Variants in LRP6 observed in about 807,000 individuals in gnomAD.
LRP6 encodes the protein LDL receptor related protein 6.
In LRP6, 43 loss-of-function variants were observed where a neutral mutation model predicts 184.1. The ratio of observed to expected loss-of-function variants is 0.23; its 90% CI spans 0.18 to 0.30. The LOEUF is 0.30. Among genes scored for constraint, LRP6 ranks in the 10% least tolerant of loss-of-function variants. The pLI is 1.00. For missense variants in LRP6, 1,571 were observed against 2,005.3 expected (o/e 0.78, Z 4.14); for synonymous variants, 719 against 684.9 (o/e 1.05, Z -0.78).
intron 2 of LRP6, among the ~76,000 whole-genome samples, chr12:12,223,442 T>C (rs556206259): frequency 2.0e-5 from 3 of 152,162 alleles, no homozygotes; most frequent in Non-Finnish European, 2.9e-5. Context: ...AAATTACAAA[T>C]ACTGTAAAAT....
At chr12:12,133,809 C>G (rs1238653998) in intron 17 of LRP6, among the ~76,000 whole-genome samples, 1 of 136,448 alleles carries the variant, frequency 7.3e-6, no homozygotes, top group East Asian at 2.1e-4. Flanking sequence ...CAAAGTAACA[C>G]TCCAGCACCC....
rs186082192 is a variant in LRP6, at chr12:12,250,379, G to A, written c.56-5724C>T. 2.6e-5 allele frequency among the ~76,000 whole-genome samples: 4 copies of A among 152,118 alleles called. No homozygotes were observed. In the East Asian group the frequency reaches 7.7e-4, roughly 29 times the overall value. ...CTTCTCTTTTTCTCCCAGCAAGCAA[G>A]TCCTTCAAGGCCAGAGTCAAACCTT... On this transcript the variant is annotated intron_variant, in intron 1 of 22. Coordinates refer to ENST00000261349, the MANE Select transcript of LRP6 (RefSeq NM_002336.3).
At position 12,266,216 on chromosome 12, in the gene LRP6, G is replaced by A. The variant is rs190087546; in HGVS notation, c.55+465C>T. Among the ~76,000 whole-genome samples the A allele has an allele frequency of 1.3e-4, 20 of 152,174 alleles. No homozygotes were observed. The South Asian group carries it at 1.7e-3, about 13-fold the overall frequency. On this transcript the variant is annotated intron_variant, in intron 1 of 22. Coordinates refer to ENST00000261349, the MANE Select transcript of LRP6 (RefSeq NM_002336.3). ...CAAGGCCTGGAAAAAATAGCAAGAG[G>A]GCTTTAAAAGTTCACCTAAGAAACA...
At chr12:12,191,308 T>C (rs985490429) in intron 3 of LRP6, among the ~76,000 whole-genome samples, 13 of 152,126 alleles carry the variant, frequency 8.5e-5, no homozygotes, top group Non-Finnish European at 1.8e-4. Context: ...AAAGTGTGCA[T>C]GATTGGTACA....
At chr12:12,203,440 A>G (rs543871209) in intron 2 of LRP6, 40 bp from the exon 3 acceptor site, 19 of 1,477,996 alleles carry the variant, frequency 1.3e-5, no homozygotes, top group Middle Eastern at 1.7e-4. Context: ...GACAGAGCAG[A>G]TATCAATCAA....
At chr12:12,263,417 A>G (rs1051382559) in intron 1 of LRP6, among the ~76,000 whole-genome samples, 1 of 151,562 alleles carries the variant, frequency 6.6e-6, no homozygotes, top group Admixed American at 6.6e-5. Context: ...CTACTAAAAA[A>G]TACAAAAAAA....
chr12:12,168,870 A>G (rs1221437598), intron 7 of LRP6, among the ~76,000 whole-genome samples: 1 of 152,096 alleles, frequency 6.6e-6, no homozygotes, highest in Non-Finnish European at 1.5e-5. Flanking sequence ...CACAATGCAC[A>G]TAGCATATCA....
chr12:12,248,520 C>T lies in LRP6; in HGVS notation c.56-3865G>A, dbSNP rs113260017. Among the ~76,000 whole-genome samples, 985 of 118,764 alleles carry T rather than the reference C, an allele frequency of 8.3e-3. 12 individuals carry two copies. The highest frequency in any genetic ancestry group is 0.031 in the African/African-American group (936 of 29,930). The allele number at this position is 118,764 out of a possible 152,430, so 77.9% of individuals were successfully genotyped here. ...TTTTTGAGATGGAGTCTGGCTCTGT[C>T]GCCCAGGCTGGAGTGCAGTGGTGCA... On this transcript the variant is annotated intron_variant, in intron 1 of 22. Transcript: ENST00000261349.
At chr12:12,190,360 A>G (rs1225926702) in intron 3 of LRP6, among the ~76,000 whole-genome samples, 2 of 152,224 alleles carry the variant, frequency 1.3e-5, no homozygotes, top group Non-Finnish European at 1.5e-5. Flanking sequence ...GGTCACAACG[A>G]TAACAGAAAC....
intron 3 of LRP6, among the ~76,000 whole-genome samples, chr12:12,193,779 G>A (rs1312784909): frequency 6.6e-6 from 1 of 152,012 alleles, no homozygotes. Flanking sequence ...CAGATGGCAG[G>A]AAAAGTTGTA....
intron 2 of LRP6, among the ~76,000 whole-genome samples, chr12:12,209,953 A>T (rs890503024): frequency 1.3e-5 from 2 of 152,212 alleles, no homozygotes; most frequent in Non-Finnish European, 2.9e-5. Flanking sequence ...TATACCAGAG[A>T]AAGTATGTAT....
intron 4 of LRP6, among the ~76,000 whole-genome samples, chr12:12,184,514 G>A (rs1275999903): frequency 6.6e-6 from 1 of 152,140 alleles, no homozygotes; most frequent in Non-Finnish European, 1.5e-5. Context: ...AGAGCTTTGT[G>A]GAGTATACAG....
intron 7 of LRP6, among the ~76,000 whole-genome samples, chr12:12,165,754 G>A (rs1015780130): frequency 2.7e-5 from 4 of 149,864 alleles, no homozygotes; most frequent in Non-Finnish European, 6.0e-5. Context: ...AAACACAGTT[G>A]ATGTCTTTTT....
rs370416656 is a variant in LRP6, at chr12:12,266,671, C to G, written c.55+10G>C. On this transcript the variant is annotated intron_variant, in intron 1 of 22. Coordinates refer to ENST00000261349, the MANE Select transcript of LRP6 (RefSeq NM_002336.3). The stretch of plus-strand genomic sequence containing the variant: ...CCCCACCAACTTTCCAGTGCCCCCA[C>G]TCTTCCCACCTCTCAGGAGCACACA... 62 of 1,612,844 alleles carry G rather than the reference C, an allele frequency of 3.8e-5. No homozygotes were observed. Among genetic ancestry groups the G allele is most frequent in the Non-Finnish European group, 5.1e-5 (60 of 1,179,498 alleles).
chr12:12,165,182 A>C lies in LRP6; in HGVS notation c.1659T>G (p.Arg553=). 3 of 1,613,906 alleles carry C rather than the reference A, an allele frequency of 1.9e-6. No homozygotes were observed. Among genetic ancestry groups the C allele is most frequent in the East Asian group, 2.2e-5 (1 of 44,892 alleles). Residue 553 remains arginine (R), a synonymous_variant, in exon 8 of 23, where the codon CGT becomes CGG. Transcript: ENST00000261349. The stretch of plus-strand genomic sequence containing the variant: ...TTCGTTTATGAACTCTTTCAATGCT[A>C]CGCCTCTGCCAGTCAGTCCAGTAAA... ...DYVYWTDWQR[R]SIERVHKRSA...
Position 12,161,994 on chromosome 12 carries a change from C to T in LRP6, c.2279+199G>A, listed in dbSNP as rs1226674199. Among the ~76,000 whole-genome samples, 8 of 151,908 alleles carry T rather than the reference C, an allele frequency of 5.3e-5. No homozygotes were observed. In the South Asian group the frequency reaches 8.3e-4, roughly 16 times the overall value. ...CTCTTTCTTCACCTAAAGTTAATTA[C>T]GACAAGAGTAAAATTAGCTAATAAT... is the stretch of plus-strand genomic sequence containing the variant. On this transcript the variant is annotated intron_variant, in intron 10 of 22. Transcript: ENST00000261349.
At chr12:12,242,754 T>A (rs556809611) in intron 2 of LRP6, among the ~76,000 whole-genome samples, 18 of 152,346 alleles carry the variant, frequency 1.2e-4, no homozygotes, top group African/African-American at 4.3e-4. Flanking sequence ...CACGTTTTAA[T>A]TTCACTCTAA....
In LRP6 at chr12:12,184,050, G is replaced by T. The variant is rs761557475; in HGVS notation, c.906C>A (p.Val302=). 1 of 1,613,452 alleles carries T rather than the reference G, an allele frequency of 6.2e-7. No individual in the cohort carries two copies. The highest frequency in any genetic ancestry group is 8.5e-7 in the Non-Finnish European group (1 of 1,179,450). Residue 302 remains valine, a synonymous_variant, in exon 5 of 23, where the codon GTC becomes GTA. Transcript: ENST00000261349. ...GGCAAGCACACTGATAAAAAGGCTT[G>T]ACTGGAGACATCAAACACAAATGGG... is the stretch of plus-strand genomic sequence containing the variant. ...GCSHLCLMSP[V]KPFYQCACPT... is the part of the protein sequence containing the mutation.
At position 12,199,974 on chromosome 12, in the gene LRP6, A is replaced by T. The variant is rs1456634321; in HGVS notation, c.647+3229T>A. Reference sequence around the variant, plus strand: ...AGCGAGACTCCATCTCAAAAAAAAAAAAAAAAAAAAAAAAAAAAAAACACA... The same window carrying T: ...AGCGAGACTCCATCTCAAAAAAAAATAAAAAAAAAAAAAAAAAAAAACACA... On this transcript the variant is annotated intron_variant, in intron 3 of 22. Coordinates refer to ENST00000261349, the MANE Select transcript of LRP6 (RefSeq NM_002336.3). Among the ~76,000 whole-genome samples the T allele has an allele frequency of 7.6e-4, 110 of 145,160 alleles. 1 individual carries two copies. In the East Asian group the frequency reaches 0.018, roughly 24 times the overall value.
Sources: gnomAD v4.1 joint callset for allele counts (sites outside exome capture counted in the v4.1 genomes callset) on GRCh38, gnomAD v4.1.1 for gene constraint, MANE v1.5 for transcripts, NCBI Gene and HGNC (gene_info 2026-07-23, HGNC 2026-07-21) for gene names.